Variants in CEACAM5 observed in about 807,000 individuals in gnomAD.
CEACAM5 encodes CEA cell adhesion molecule 5, also known as cell adhesion molecule CEACAM5.
A neutral mutation model predicts 63.0 loss-of-function variants in CEACAM5; 52 were observed. The ratio of observed to expected loss-of-function variants is 0.83; its 90% CI spans 0.66 to 1.04. The LOEUF is 1.04. Among genes scored for constraint, CEACAM5 ranks in the 50% least tolerant of loss-of-function variants. The pLI, the probability that CEACAM5 is intolerant of heterozygous loss-of-function variation, is 0.00. For missense variants in CEACAM5, 790 were observed against 864.8 expected (o/e 0.91, Z 1.08); for synonymous variants, 357 against 351.3 (o/e 1.02, Z -0.18).
chr19:41,719,620 G>A (rs577275673), intron 6 of CEACAM5, among the ~76,000 whole-genome samples: 81 of 152,318 alleles, frequency 5.3e-4, no homozygotes, highest in African/African-American at 1.9e-3. Flanking sequence ...TGGCCAGGCC[G>A]TCAGCCATCA....
chr19:41,718,300 G>A lies in CEACAM5; in HGVS notation c.1410G>A (p.Lys470=), dbSNP rs782235195. 6.2e-7 allele frequency: 1 copy of A among 1,614,176 alleles called. No homozygotes were observed. Among genetic ancestry groups the A allele is most frequent in the East Asian group, 2.2e-5 (1 of 44,886 alleles). Residue 470 remains lysine (K), a synonymous_variant, in exon 6 of 10, where the codon AAG becomes AAA. Transcript: ENST00000221992. ...TCTTTATCTCCAACATCACTGAGAA[G>A]AACAGCGGACTCTATACCTGCCAGG... ...QELFISNITE[K]NSGLYTCQAN...
At position 41,727,273 on chromosome 19, in the gene CEACAM5, T is replaced by A. The variant is rs201356826; in HGVS notation, c.2066T>A (p.Val689Asp). 4.3e-6 allele frequency: 7 copies of A among 1,614,038 alleles called. No individual in the cohort carries two copies. The African/African-American group carries it at 5.3e-5, about 12-fold the overall frequency. ...TSPGLSAGATVGIMIGVLVGV... is the reference protein window; with the variant it reads ...TSPGLSAGATDGIMIGVLVGV... ...CCTGGTCTCTCAGCTGGGGCCACTG[T>A]CGGCATCATGATTGGAGTGCTGGTT... The change falls in exon 9 of 10, where the codon GTC becomes GAC. Residue 689 changes from valine to aspartate, a missense_variant. Transcript: ENST00000221992.
rs146162368 is a variant in CEACAM5, at chr19:41,720,099, G to A, written c.1662G>A (p.Arg554=). The change falls in exon 7 of 10, where the codon AGG becomes AGA. Residue 554 remains arginine (R), a synonymous_variant. Transcript: ENST00000221992. ...GGCTGCAGCTGTCCAATGGCAACAG[G>A]ACCCTCACTCTATTCAATGTCACAA... ...SPRLQLSNGN[R]TLTLFNVTRN... is the part of the protein sequence containing the mutation. 77 of 1,614,082 alleles carry A rather than the reference G, an allele frequency of 4.8e-5. No individual in the cohort carries two copies. The Middle Eastern group carries it at 2.0e-3, about 41-fold the overall frequency.
In CEACAM5 at chr19:41,709,990, A is replaced by G. The variant is rs782811516; in HGVS notation, c.375A>G (p.Ile125Met). 1 of 1,612,402 alleles carries G rather than the reference A, an allele frequency of 6.2e-7. No homozygotes were observed. Among genetic ancestry groups the G allele is most frequent in the East Asian group, 2.2e-5 (1 of 44,878 alleles). ...NDTGFYTLHV[I>M]KSDLVNEEAT... Reference sequence around the variant, plus strand: ...CAGGATTCTACACCCTACACGTCATAAAGTCAGATCTTGTGAATGAAGAAG... The same window carrying G: ...CAGGATTCTACACCCTACACGTCATGAAGTCAGATCTTGTGAATGAAGAAG... The change falls in exon 2 of 10, where the codon ATA becomes ATG. Residue 125 changes from isoleucine (I) to methionine (M), a missense_variant. Physicochemically the swap from Ile to Met is conservative, Grantham distance 10. Transcript: ENST00000221992.
chr19:41,715,607 C>G (rs1555814870), intron 3 of CEACAM5, 43 bp from the exon 4 acceptor site: 3 of 1,609,840 alleles, frequency 1.9e-6, no homozygotes, highest in Admixed American at 1.7e-5. Flanking sequence ...ACTTCCACTT[C>G]CCTCTGACAA....
chr19:41,724,418 ATTCT>A (rs782024762), intron 8 of CEACAM5, among the ~76,000 whole-genome samples: 7 of 152,282 alleles, frequency 4.6e-5, no homozygotes, highest in South Asian at 2.1e-4. Context: ...CTCCAGCTTC[ATTCT>A]TTATTTTCCA....
At chr19:41,716,752 A>C (rs2072533221) in intron 4 of CEACAM5, among the ~76,000 whole-genome samples, 1 of 152,226 alleles carries the variant, frequency 6.6e-6, no homozygotes, top group Non-Finnish European at 1.5e-5. Context: ...GTAACAGTAC[A>C]TATCTAACAC....
chr19:41,729,374 A>C lies in CEACAM5; in HGVS notation c.*227A>C, dbSNP rs2072742688. The C allele has an allele frequency of 6.6e-6, 1 of 152,142 alleles. No individual in the cohort carries two copies. The highest frequency in any genetic ancestry group is 2.4e-5 in the African/African-American group (1 of 41,390). The allele number at this position is 152,142 out of a possible 1,614,324, so 9.4% of individuals were successfully genotyped here. On this transcript the variant is annotated 3_prime_UTR_variant, in exon 10 of 10. Coordinates refer to ENST00000221992, the MANE Select transcript of CEACAM5 (RefSeq NM_004363.6). ...GTGGCGCACACCTGTAGTCCCAGTT[A>C]CTCGGGAGGCTGAGGCAGGAGAATC... is the stretch of plus-strand genomic sequence containing the variant.
Position 41,718,262 on chromosome 19 carries a change from C to T in CEACAM5, c.1372C>T (p.His458Tyr), listed in dbSNP as rs1555815429. ...GCTGATTGATGGGAACATCCAGCAA[C>T]ACACACAAGAGCTCTTTATCTCCAA... ...SWLIDGNIQQHTQELFISNIT... is the reference protein window; with the variant it reads ...SWLIDGNIQQYTQELFISNIT... Residue 458 changes from histidine to tyrosine, a missense_variant, in exon 6 of 10, where the codon CAC (histidine) becomes TAC (tyrosine). Physicochemically the swap from His to Tyr is moderately conservative, Grantham distance 83. Coordinates refer to ENST00000221992, the MANE Select transcript of CEACAM5 (RefSeq NM_004363.6). The T allele has an allele frequency of 6.2e-7, 1 of 1,614,210 alleles. No individual in the cohort carries two copies. Among genetic ancestry groups the T allele is most frequent in the Non-Finnish European group, 8.5e-7 (1 of 1,180,030 alleles).
intron 9 of CEACAM5, 26 bp downstream of exon 9, chr19:41,727,378 T>C (rs2072715379): frequency 8.5e-7 from 1 of 1,178,492 alleles, no homozygotes; most frequent in Non-Finnish European, 1.3e-6. Flanking sequence ...TTTCCTCTTG[T>C]TCTGTTTCCT....
At chr19:41,722,886 C>G (rs2072644201) in intron 8 of CEACAM5, among the ~76,000 whole-genome samples, 1 of 150,906 alleles carries the variant, frequency 6.6e-6, no homozygotes, top group Non-Finnish European at 1.5e-5. Flanking sequence ...AATGTTAATT[C>G]TTTTTTTTGT....
chr19:41,710,278 T>C (rs1266458740), intron 2 of CEACAM5, among the ~76,000 whole-genome samples: 1 of 152,092 alleles, frequency 6.6e-6, no homozygotes, highest in Non-Finnish European at 1.5e-5. Context: ...GTGGGGGACT[T>C]AGCAGGGGGA....
chr19:41,723,822 G>A (rs1044468397), intron 8 of CEACAM5, among the ~76,000 whole-genome samples: 4 of 151,630 alleles, frequency 2.6e-5, no homozygotes, highest in Non-Finnish European at 4.4e-5. Flanking sequence ...GGTGGTGGGC[G>A]CCTGTAGTCC....
intron 2 of CEACAM5, among the ~76,000 whole-genome samples, chr19:41,712,826 A>T (rs1319792247): frequency 6.6e-6 from 1 of 152,254 alleles, no homozygotes; most frequent in Non-Finnish European, 1.5e-5. Flanking sequence ...AAAAAATTTA[A>T]TGTTTCCCCC....
intron 2 of CEACAM5, among the ~76,000 whole-genome samples, chr19:41,714,709 C>A (rs550789346): frequency 1.8e-4 from 27 of 152,168 alleles, no homozygotes; most frequent in Middle Eastern, 3.4e-3. Flanking sequence ...ACCTCCCCCC[C>A]AGTCCTGTGT....
intron 8 of CEACAM5, among the ~76,000 whole-genome samples, chr19:41,725,038 T>C (rs1245022853): frequency 6.6e-6 from 1 of 152,112 alleles, no homozygotes; most frequent in Non-Finnish European, 1.5e-5. Flanking sequence ...TTCCTGGTCT[T>C]ACAGGGAAAG....
At position 41,725,119 on chromosome 19, in the gene CEACAM5, G is replaced by GTGGTT. The variant is rs2072680408; in HGVS notation, c.2027-2113_2027-2109dup. On this transcript the variant is annotated intron_variant, in intron 8 of 9. Transcript: ENST00000221992. Reference sequence around the variant, plus strand: ...CACACATTGCCTTTATTATGCTGAGGTGGTTTCCTTCCATTCATAATTAGA... The same window carrying GTGGTT: ...CACACATTGCCTTTATTATGCTGAGGTGGTTTGGTTTCCTTCCATTCATAATTAGA... 6.6e-5 allele frequency among the ~76,000 whole-genome samples: 10 copies of GTGGTT among 152,306 alleles called. No homozygotes were observed. The South Asian group carries it at 1.9e-3, about 28-fold the overall frequency.
At position 41,710,050 on chromosome 19, in the gene CEACAM5, C is replaced by T. The variant is rs565862351; in HGVS notation, c.424+11C>T. On this transcript the variant is annotated intron_variant, in intron 2 of 9. Coordinates refer to ENST00000221992, the MANE Select transcript of CEACAM5 (RefSeq NM_004363.6). ...AGTTCCGGGTATACCGTGAGTGATTCCCCCATGACCTCTGGGTGTTGGGGG... is the reference window on the plus strand; with the variant it reads ...AGTTCCGGGTATACCGTGAGTGATTTCCCCATGACCTCTGGGTGTTGGGGG... 7.8e-5 allele frequency: 124 copies of T among 1,586,258 alleles called. No homozygotes were observed. The highest frequency in any genetic ancestry group is 7.3e-4 in the African/African-American group (54 of 74,474).
rs781960638 is a variant in CEACAM5, at chr19:41,710,054, C to T, written c.424+15C>T. The T allele has an allele frequency of 6.9e-6, 11 of 1,585,742 alleles. No homozygotes were observed. In the African/African-American group the frequency reaches 1.2e-4, roughly 17 times the overall value. On this transcript the variant is annotated intron_variant, in intron 2 of 9. Coordinates refer to ENST00000221992, the MANE Select transcript of CEACAM5 (RefSeq NM_004363.6). ...CCGGGTATACCGTGAGTGATTCCCC[C>T]ATGACCTCTGGGTGTTGGGGGTCAG...
Sources: gnomAD v4.1 joint callset for allele counts (sites outside exome capture counted in the v4.1 genomes callset) on GRCh38, gnomAD v4.1.1 for gene constraint, MANE v1.5 for transcripts, NCBI Gene and HGNC (gene_info 2026-07-23, HGNC 2026-07-21) for gene names.